MAP2K4: variants seen among roughly 807,000 people sequenced by gnomAD.
MAP2K4 encodes dual specificity mitogen-activated protein kinase kinase 4.
In MAP2K4, 4 loss-of-function variants were observed where a neutral mutation model predicts 48.5. That is an observed-to-expected ratio of 0.08 (90% CI 0.04 to 0.19). The LOEUF (loss-of-function observed/expected upper bound fraction) is 0.19, where lower values mean the gene tolerates loss of function less well. Among genes scored for constraint, MAP2K4 ranks in the 10% least tolerant of loss-of-function variants. The probability of loss-of-function intolerance (pLI) is 1.00; values close to 1 mark genes in which losing one functional copy is unlikely to be tolerated. For synonymous variants in MAP2K4, 166 were observed against 173.1 expected (o/e 0.96, Z 0.32); for missense variants, 258 against 493.3 (o/e 0.52, Z 4.52).
rs749070408 is a variant in MAP2K4 at position 12,020,929 on chromosome 17, G to A, written c.43G>A (p.Gly15Ser). The change falls in exon 1 of 11, where the codon GGC becomes AGC. Residue 15 changes from glycine to serine, a missense_variant. Coordinates refer to ENST00000353533, the MANE Select transcript of MAP2K4 (RefSeq NM_003010.4). ...GAGCGGCGGCGGCGGCTCCGGGGGC[G>A]GCAGCGGCAGCGGCACCCCCGGCCC... ...SPSGGGGSGGGSGSGTPGPVG... is the reference protein window; with the variant it reads ...SPSGGGGSGGSSGSGTPGPVG... The A allele has an allele frequency of 8.4e-5, 102 of 1,217,370 alleles. No homozygotes were observed. The highest frequency in any genetic ancestry group is 3.9e-4 in the Admixed American group (9 of 23,092). 75.4% of individuals were successfully genotyped at this position (1,217,370 alleles called of 1,614,324 possible).
At position 12,142,346 on chromosome 17, in the gene MAP2K4, G is replaced by T; in HGVS notation, c.*1086G>T. 1 of 233,270 alleles carries T rather than the reference G, an allele frequency of 4.3e-6. No individual in the cohort carries two copies. The highest frequency in any genetic ancestry group is 8.5e-6 in the Non-Finnish European group (1 of 117,938). The allele number at this position is 233,270 out of a possible 1,614,324, so 14.5% of individuals were successfully genotyped here. A position where few individuals can be genotyped will look rare whatever the true frequency, so the allele number is the denominator to read the frequency against. On this transcript the variant is annotated 3_prime_UTR_variant, in exon 11 of 11. Transcript: ENST00000353533. ...TTGCTTCTTGCCATCACTGGTCCAG[G>T]TCTTCAGTTTCCGAATCTCTTTCCC...
chr17:12,051,774 A>G (rs947223777), intron 1 of MAP2K4, among the ~76,000 whole-genome samples: 2 of 152,130 alleles, frequency 1.3e-5, no homozygotes, highest in Non-Finnish European at 2.9e-5. Context: ...TTTGTCATTA[A>G]AAATATCTGA....
At chr17:12,083,031 A>G (rs1306640022) in intron 3 of MAP2K4, among the ~76,000 whole-genome samples, 2 of 152,230 alleles carry the variant, frequency 1.3e-5, no homozygotes, top group Non-Finnish European at 2.9e-5. Flanking sequence ...CTTAAGGGAA[A>G]GGTTTCCTAT....
chr17:12,095,234 A>G lies in MAP2K4; in HGVS notation c.394-341A>G, dbSNP rs113217263. On this transcript the variant is annotated intron_variant, in intron 3 of 10. Transcript: ENST00000353533. Reference sequence around the variant, plus strand: ...AGCTACCTATAATTATTCATATGAAACTGTTAAAACTCATTATCATTTTCT... The same window carrying G: ...AGCTACCTATAATTATTCATATGAAGCTGTTAAAACTCATTATCATTTTCT... 3.1e-4 allele frequency among the ~76,000 whole-genome samples: 47 copies of G among 152,272 alleles called. 1 individual carries two copies. Among genetic ancestry groups the G allele is most frequent in the African/African-American group, 1.1e-3 (46 of 41,570 alleles).
intron 3 of MAP2K4, among the ~76,000 whole-genome samples, chr17:12,085,975 T>G (rs1971347624): frequency 6.6e-6 from 1 of 152,184 alleles, no homozygotes; most frequent in Non-Finnish European, 1.5e-5. Flanking sequence ...TGATGATGAA[T>G]AATGATTTGA....
chr17:12,052,815 A>G (rs577770175), intron 1 of MAP2K4, among the ~76,000 whole-genome samples: 20 of 152,338 alleles, frequency 1.3e-4, no homozygotes, highest in Non-Finnish European at 2.6e-4. Flanking sequence ...GGTAATTAAT[A>G]GGTTCAAGTT....
Position 12,125,283 on chromosome 17 carries a change from T to G in MAP2K4, c.814-11T>G, listed in dbSNP as rs1972819980. 1 of 1,610,616 alleles carries G rather than the reference T, an allele frequency of 6.2e-7. No individual in the cohort carries two copies. The highest frequency in any genetic ancestry group is 1.3e-5 in the African/African-American group (1 of 74,838). ...GGCAATTAATAACTTACACTTGTCT[T>G]TATGTTCCAGCCTGAAAGAATAGAC... On this transcript the variant is annotated splice_polypyrimidine_tract_variant and intron_variant, in intron 7 of 10. Coordinates refer to ENST00000353533, the MANE Select transcript of MAP2K4 (RefSeq NM_003010.4).
chr17:12,137,893 T>TTTTAAATTTATATTTAAATTTACC (rs745401335), intron 9 of MAP2K4, among the ~76,000 whole-genome samples: 1 of 152,134 alleles, frequency 6.6e-6, no homozygotes, highest in Non-Finnish European at 1.5e-5. Context: ...TAAATTTACC[T>TTTTAAATTTATATTTAAATTTACC]TTTAAATTTA....
At chr17:12,029,907 C>A (rs975973776) in intron 1 of MAP2K4, among the ~76,000 whole-genome samples, 1 of 151,126 alleles carries the variant, frequency 6.6e-6, no homozygotes, top group Non-Finnish European at 1.5e-5. Flanking sequence ...GACAGCAAGA[C>A]CCTGTCTCTA....
At chr17:12,070,102 G>A (rs1455605232) in intron 2 of MAP2K4, among the ~76,000 whole-genome samples, 2 of 150,994 alleles carry the variant, frequency 1.3e-5, no homozygotes, top group African/African-American at 4.9e-5. Flanking sequence ...TCAGATGATC[G>A]AGGTAGAAGA....
intron 4 of MAP2K4, among the ~76,000 whole-genome samples, chr17:12,104,238 G>A (rs1339188522): frequency 6.6e-6 from 1 of 152,060 alleles, no homozygotes; most frequent in Non-Finnish European, 1.5e-5. Context: ...ATGTCCACAC[G>A]AAGGAAAAGA....
At chr17:12,069,180 A>C (rs560204454) in intron 2 of MAP2K4, among the ~76,000 whole-genome samples, 1 of 152,018 alleles carries the variant, frequency 6.6e-6, no homozygotes, top group East Asian at 1.9e-4. Context: ...GTTGGCAAAA[A>C]CTCCTGAGAT....
intron 4 of MAP2K4, among the ~76,000 whole-genome samples, chr17:12,104,245 A>G (rs1292762380): frequency 1.3e-5 from 2 of 152,180 alleles, no homozygotes; most frequent in Non-Finnish European, 2.9e-5. Flanking sequence ...CACGAAGGAA[A>G]AGAAAAGGGA....
At chr17:12,057,123 T>C (rs1192567552) in intron 2 of MAP2K4, among the ~76,000 whole-genome samples, 1 of 152,186 alleles carries the variant, frequency 6.6e-6, no homozygotes, top group Non-Finnish European at 1.5e-5. Context: ...GTGTTCTTTT[T>C]TTCTGAGAAC....
In MAP2K4 at chr17:12,141,935, G is replaced by A. The variant is rs1349960962; in HGVS notation, c.*675G>A. ...TCAAAGAGGTGAACATTAAAATATA[G>A]AGACAGGACAGAATGTGTTCTTTTC... On this transcript the variant is annotated 3_prime_UTR_variant, in exon 11 of 11. Coordinates refer to ENST00000353533, the MANE Select transcript of MAP2K4 (RefSeq NM_003010.4). 4.3e-6 allele frequency: 1 copy of A among 233,242 alleles called. No individual in the cohort carries two copies. Among genetic ancestry groups the A allele is most frequent in the Admixed American group, 5.6e-5 (1 of 17,762 alleles). 14.4% of individuals were successfully genotyped at this position (233,242 alleles called of 1,614,324 possible).
At chr17:12,085,502 G>A (rs796678825) in intron 3 of MAP2K4, among the ~76,000 whole-genome samples, 5 of 152,002 alleles carry the variant, frequency 3.3e-5, no homozygotes, top group African/African-American at 1.2e-4. Context: ...GACCTGGTAT[G>A]CAAGAGTTTC....
chr17:12,077,152 C>T (rs958446388), intron 2 of MAP2K4, among the ~76,000 whole-genome samples: 1 of 152,076 alleles, frequency 6.6e-6, no homozygotes, highest in African/African-American at 2.4e-5. Context: ...AGAAATGACC[C>T]CTGAAAGTAT....
intron 1 of MAP2K4, among the ~76,000 whole-genome samples, chr17:12,031,142 C>G (rs541886390): frequency 6.6e-6 from 1 of 152,332 alleles, no homozygotes; most frequent in Non-Finnish European, 1.5e-5. Context: ...CCCATGAAGT[C>G]TCCATTCTCA....
intron 4 of MAP2K4, among the ~76,000 whole-genome samples, chr17:12,100,834 GT>G (rs977111693): frequency 2.0e-5 from 3 of 152,028 alleles, no homozygotes; most frequent in African/African-American, 7.2e-5. Flanking sequence ...GTCTTTTCAT[GT>G]GCTTATTTAC....
Sources: gnomAD v4.1 joint callset for allele counts (sites outside exome capture counted in the v4.1 genomes callset) on GRCh38, gnomAD v4.1.1 for gene constraint, MANE v1.5 for transcripts, NCBI Gene and HGNC (gene_info 2026-07-23, HGNC 2026-07-21) for gene names.